Variants in ANKFN1 observed in about 807,000 individuals in gnomAD.
ANKFN1 encodes the protein ankyrin repeat and fibronectin type III domain containing 1.
In ANKFN1, 74 loss-of-function variants were observed where a neutral mutation model predicts 108.7. The ratio of observed to expected loss-of-function variants is 0.68; its 90% CI spans 0.56 to 0.83. ANKFN1 has a LOEUF of 0.83. ANKFN1 is among the 40% of genes least tolerant of loss of function. The pLI, the probability that ANKFN1 is intolerant of heterozygous loss-of-function variation, is 0.00. For synonymous variants in ANKFN1, 547 were observed against 516.2 expected (o/e 1.06, Z -0.81); for missense variants, 1,505 against 1,382.3 (o/e 1.09, Z -1.41).
intron 1 of ANKFN1, among the ~76,000 whole-genome samples, chr17:56,158,046 T>C (rs1413903616): frequency 1.3e-5 from 2 of 152,176 alleles, no homozygotes; most frequent in Admixed American, 1.3e-4. Flanking sequence ...GCCAGATGCA[T>C]CTGCCATGGT....
upstream of ANKFN1, among the ~76,000 whole-genome samples, chr17:56,153,157 TC>T (rs1437030488): frequency 1.3e-5 from 2 of 152,176 alleles, no homozygotes; most frequent in African/African-American, 4.8e-5. Flanking sequence ...TACTTTCGAA[TC>T]CCACCCCTTT....
At chr17:56,327,005 C>A (rs1328720254) in intron 4 of ANKFN1, among the ~76,000 whole-genome samples, 1 of 152,140 alleles carries the variant, frequency 6.6e-6, no homozygotes, top group Non-Finnish European at 1.5e-5. Flanking sequence ...TTCTTTATTT[C>A]ATAAAGATAT....
At chr17:56,501,571 C>T (rs993549894) in intron 20 of ANKFN1, among the ~76,000 whole-genome samples, 2 of 152,084 alleles carry the variant, frequency 1.3e-5, no homozygotes, top group East Asian at 1.9e-4. Context: ...AAAAAAGAAA[C>T]ATTCAGGAGA....
intron 1 of ANKFN1, among the ~76,000 whole-genome samples, chr17:56,179,195 A>T (rs1911452552): frequency 6.6e-6 from 1 of 152,212 alleles, no homozygotes. Flanking sequence ...TCATGATCAT[A>T]GGTCAAATAT....
At chr17:56,400,461 T>C (rs575861926) in intron 8 of ANKFN1, among the ~76,000 whole-genome samples, 36 of 152,294 alleles carry the variant, frequency 2.4e-4, no homozygotes, top group African/African-American at 8.4e-4. Context: ...TTGTTTGAGT[T>C]CATTGTAGAT....
chr17:56,230,795 G>A (rs1432023913), intron 3 of ANKFN1, among the ~76,000 whole-genome samples: 4 of 151,920 alleles, frequency 2.6e-5, no homozygotes, highest in Admixed American at 2.0e-4. Flanking sequence ...TGTTCCTTTC[G>A]ATTTTTGGCA....
chr17:56,163,619 T>TGACCAG (rs1314384496), intron 1 of ANKFN1, among the ~76,000 whole-genome samples: 1 of 152,244 alleles, frequency 6.6e-6, no homozygotes, highest in Non-Finnish European at 1.5e-5. Context: ...ACCAAGGAAC[T>TGACCAG]GAGAGGTAGC....
At chr17:56,410,505 A>G (rs113034966) in intron 8 of ANKFN1, among the ~76,000 whole-genome samples, 322 of 152,336 alleles carry the variant, frequency 2.1e-3, no homozygotes, top group African/African-American at 7.3e-3. Flanking sequence ...TAACATATCC[A>G]TCACCTCACC....
intron 8 of ANKFN1, among the ~76,000 whole-genome samples, chr17:56,420,509 G>A (rs1447469836): frequency 2.6e-5 from 4 of 152,024 alleles, no homozygotes; most frequent in African/African-American, 9.7e-5. Flanking sequence ...ACTATCTTTA[G>A]TATGAAAGCA....
chr17:56,189,565 G>T (rs1244186774), intron 1 of ANKFN1, among the ~76,000 whole-genome samples: 1 of 152,192 alleles, frequency 6.6e-6, no homozygotes, highest in Non-Finnish European at 1.5e-5. Context: ...CAGAAGTGCA[G>T]GTGATAACCT....
rs554120911 is a variant in ANKFN1, at chr17:56,457,767, G to A, written c.1441-96G>A. The A allele has an allele frequency of 1.5e-5, 13 of 869,626 alleles. No individual in the cohort carries two copies. The East Asian group carries it at 3.0e-4, about 20-fold the overall frequency. 53.9% of individuals were successfully genotyped at this position (869,626 alleles called of 1,614,324 possible). ...AAAATGGACTGGAGAATAAACATCA[G>A]GGGTCAGATTTCTTTCTCCCTGCTT... On this transcript the variant is annotated intron_variant, in intron 13 of 20. Transcript: ENST00000682825.
chr17:56,188,581 G>GTGTGTGTGTGTGTGTGTATA (rs1212242378), intron 1 of ANKFN1, among the ~76,000 whole-genome samples: 1 of 49,668 alleles, frequency 2.0e-5, no homozygotes, highest in African/African-American at 1.0e-4. Context: ...GTGTGTGTGT[G>GTGTGTGTGTGTGTGTGTATA]TATATATATA....
intron 1 of ANKFN1, among the ~76,000 whole-genome samples, chr17:56,160,757 T>C (rs1370169557): frequency 1.3e-5 from 2 of 152,194 alleles, no homozygotes; most frequent in East Asian, 3.8e-4. Context: ...TGCCTATTGA[T>C]TTATTCTGAA....
At chr17:56,260,566 A>C (rs1008777428) in intron 3 of ANKFN1, among the ~76,000 whole-genome samples, 3 of 152,220 alleles carry the variant, frequency 2.0e-5, no homozygotes, top group Admixed American at 6.5e-5. Context: ...TGATGAGTTA[A>C]GTGCAAATGA....
At chr17:56,370,153 G>A (rs77326311) in intron 6 of ANKFN1, among the ~76,000 whole-genome samples, 4,285 of 152,122 alleles carry the variant, frequency 0.028, 201 homozygotes, top group African/African-American at 0.099. Context: ...TTTGAGGTGC[G>A]CTGGGATGTA....
At chr17:56,107,825 C>G (rs1213012788) in intron 4 of ANKFN1, among the ~76,000 whole-genome samples, 6 of 152,172 alleles carry the variant, frequency 3.9e-5, no homozygotes, top group Non-Finnish European at 8.8e-5. Flanking sequence ...CATTCACTGT[C>G]ACTGCATTCC....
At chr17:56,454,418 C>CT (rs1424400822) in intron 11 of ANKFN1, among the ~76,000 whole-genome samples, 1 of 152,096 alleles carries the variant, frequency 6.6e-6, no homozygotes, top group Non-Finnish European at 1.5e-5. Flanking sequence ...TCAGAATAAT[C>CT]TTTCTTTTCT....
intron 8 of ANKFN1, among the ~76,000 whole-genome samples, chr17:56,391,351 C>A (rs2047428157): frequency 7.5e-6 from 1 of 132,528 alleles, no homozygotes; most frequent in African/African-American, 3.2e-5. Context: ...CTTGAAGGCC[C>A]AAGAATACAT....
chr17:56,408,323 C>A (rs28427051), intron 8 of ANKFN1, among the ~76,000 whole-genome samples: 3,195 of 152,266 alleles, frequency 0.021, 115 homozygotes, highest in African/African-American at 0.071. Flanking sequence ...TGTTTATACA[C>A]ATTTTATCTT....
Sources: allele counts gnomAD v4.1 joint callset (sites outside exome capture counted in the v4.1 genomes callset), GRCh38; gene constraint gnomAD v4.1.1; transcripts MANE v1.5; gene names NCBI Gene and HGNC (gene_info 2026-07-23, HGNC 2026-07-21).